Variants in SYNE3 observed in about 807,000 individuals in gnomAD.
SYNE3 encodes spectrin repeat containing nuclear envelope family member 3.
In SYNE3, 100 loss-of-function variants were observed where a neutral mutation model predicts 111.2. The ratio of observed to expected loss-of-function variants is 0.90; its 90% CI spans 0.77 to 1.06. The LOEUF (loss-of-function observed/expected upper bound fraction) is 1.06. Ranked by LOEUF, SYNE3 falls within the 50% of genes least tolerant of loss-of-function variation. SYNE3 has a pLI of 0.00. For synonymous variants in SYNE3, 547 were observed against 533.9 expected (o/e 1.02, Z -0.34); for missense variants, 1,160 against 1,240.3 (o/e 0.94, Z 0.97).
At chr14:95,515,696 CAGGGAT>C (rs1890893830) in intron 1 of SYNE3, among the ~76,000 whole-genome samples, 1 of 152,238 alleles carries the variant, frequency 6.6e-6, no homozygotes, top group Non-Finnish European at 1.5e-5. Flanking sequence ...CCACCCAGTG[CAGGGAT>C]AAGGGTGACC....
chr14:95,493,746 T>G (rs1177689167), intron 1 of SYNE3, among the ~76,000 whole-genome samples: 4 of 152,228 alleles, frequency 2.6e-5, no homozygotes, highest in African/African-American at 9.6e-5. Flanking sequence ...AGCTGAGTGA[T>G]GCCCTCAGGG....
intron 1 of SYNE3, among the ~76,000 whole-genome samples, chr14:95,508,036 G>A (rs1890591447): frequency 6.6e-6 from 1 of 152,214 alleles, no homozygotes; most frequent in South Asian, 2.1e-4. Flanking sequence ...CTGGTTAGGA[G>A]GCTGAGTGAC....
At chr14:95,431,455 C>G (rs1391668572) in intron 17 of SYNE3, among the ~76,000 whole-genome samples, 1 of 152,218 alleles carries the variant, frequency 6.6e-6, no homozygotes, top group Non-Finnish European at 1.5e-5. Context: ...TCCTGGCACA[C>G]ACAGTGGATG....
chr14:95,457,419 G>GGTGT lies in SYNE3; in HGVS notation c.628-85_628-82dup, dbSNP rs36203973. ...GGCCAGAAAGCCCGTAGCCTGCCTGGGTGTGTGTGTGTGTGTGTGTGTGTG... is the reference window on the plus strand; with the variant it reads ...GGCCAGAAAGCCCGTAGCCTGCCTGGGTGTGTGTGTGTGTGTGTGTGTGTGTGTG... On this transcript the variant is annotated intron_variant, in intron 4 of 17. Coordinates refer to ENST00000682763, the MANE Select transcript of SYNE3 (RefSeq NM_152592.6). 6.3e-4 allele frequency: 882 copies of GGTGT among 1,400,502 alleles called. 1 individual carries two copies. Among genetic ancestry groups the GGTGT allele is most frequent in the Non-Finnish European group, 6.4e-4 (656 of 1,030,408 alleles). The allele number at this position is 1,400,502 out of a possible 1,614,324, so 86.8% of individuals were successfully genotyped here.
intron 17 of SYNE3, among the ~76,000 whole-genome samples, chr14:95,429,108 G>A (rs1013309953): frequency 1.3e-4 from 20 of 152,204 alleles, no homozygotes; most frequent in African/African-American, 3.1e-4. Context: ...ACTCCAACCC[G>A]TGAAGAATCA....
At position 95,416,099 on chromosome 14, in the gene SYNE3, C is replaced by T. The variant is rs989208908; in HGVS notation, c.*1727G>A. 2.7e-5 allele frequency: 4 copies of T among 146,282 alleles called. No homozygotes were observed. Among genetic ancestry groups the T allele is most frequent in the African/African-American group, 5.5e-5 (2 of 36,552 alleles). The allele number at this position is 146,282 out of a possible 1,614,324, so 9.1% of individuals were successfully genotyped here. ...TGCTTAAAGTTGTAACAAATACAGACGAGTTAAAAGAAAAAAAAAAGTACG... is the reference window on the plus strand; with the variant it reads ...TGCTTAAAGTTGTAACAAATACAGATGAGTTAAAAGAAAAAAAAAAGTACG... On this transcript the variant is annotated 3_prime_UTR_variant, in exon 18 of 18. Coordinates refer to ENST00000682763, the MANE Select transcript of SYNE3 (RefSeq NM_152592.6).
chr14:95,452,903 G>A (rs767774417), intron 6 of SYNE3, among the ~76,000 whole-genome samples: 22 of 152,166 alleles, frequency 1.4e-4, no homozygotes, highest in Non-Finnish European at 5.9e-5. Context: ...ATTATTCTCG[G>A]CAGGCCTAGA....
At chr14:95,483,583 T>G (rs1416741167) in intron 1 of SYNE3, among the ~76,000 whole-genome samples, 1 of 152,112 alleles carries the variant, frequency 6.6e-6, no homozygotes, top group Non-Finnish European at 1.5e-5. Flanking sequence ...TTGGCAATCT[T>G]CTCCTCTGTG....
At chr14:95,476,476 C>T (rs1206830837) in intron 1 of SYNE3, among the ~76,000 whole-genome samples, 1 of 152,256 alleles carries the variant, frequency 6.6e-6, no homozygotes, top group Non-Finnish European at 1.5e-5. Context: ...CGAGATGCAA[C>T]CCGCTTGCTA....
At chr14:95,422,053 CT>C (rs1210997016) in intron 17 of SYNE3, among the ~76,000 whole-genome samples, 2 of 152,306 alleles carry the variant, frequency 1.3e-5, no homozygotes, top group Admixed American at 1.3e-4. Flanking sequence ...TAGTCTTATG[CT>C]TTACCGTATC....
rs564869430 is a variant in SYNE3 at position 95,498,892 on chromosome 14, T to C, written c.-15+17704A>G. On this transcript the variant is annotated intron_variant, in intron 1 of 17. Coordinates refer to ENST00000682763, the MANE Select transcript of SYNE3 (RefSeq NM_152592.6). ...ACAAGGCGGACTAGAAAGCCTGGCA[T>C]GCTTTACTTTCCAGCTAAAAAAAAT... Among the ~76,000 whole-genome samples the C allele has an allele frequency of 5.3e-5, 8 of 152,240 alleles. No homozygotes were observed. In the East Asian group the frequency reaches 1.2e-3, roughly 22 times the overall value.
chr14:95,457,472 C>A, intron 4 of SYNE3, 134 bp from the exon 5 acceptor site: 1 of 907,248 alleles, frequency 1.1e-6, no homozygotes, highest in Non-Finnish European at 1.7e-6. Context: ...CAACCTCTAG[C>A]CCTTTCTCTA....
intron 1 of SYNE3, among the ~76,000 whole-genome samples, chr14:95,488,190 G>T (rs1889645217): frequency 6.6e-6 from 1 of 152,154 alleles, no homozygotes; most frequent in South Asian, 2.1e-4. Context: ...GGATTCAAAA[G>T]TTAGACTTAA....
chr14:95,498,761 C>T (rs1219972534), intron 1 of SYNE3, among the ~76,000 whole-genome samples: 3 of 152,152 alleles, frequency 2.0e-5, no homozygotes, highest in African/African-American at 7.2e-5. Context: ...ATGCAAAGAG[C>T]CTGGCACTGA....
intron 1 of SYNE3, among the ~76,000 whole-genome samples, chr14:95,512,365 T>C (rs904588998): frequency 2.0e-5 from 3 of 152,196 alleles, no homozygotes; most frequent in Non-Finnish European, 4.4e-5. Context: ...GCCTCCTATT[T>C]GTAAATAATG....
At chr14:95,496,914 C>A (rs1316068908) in intron 1 of SYNE3, among the ~76,000 whole-genome samples, 1 of 152,250 alleles carries the variant, frequency 6.6e-6, no homozygotes, top group Non-Finnish European at 1.5e-5. Flanking sequence ...CTCTTACACC[C>A]AAATGGTATT....
intron 1 of SYNE3, among the ~76,000 whole-genome samples, chr14:95,496,763 T>C (rs1890108494): frequency 6.6e-6 from 1 of 152,240 alleles, no homozygotes; most frequent in African/African-American, 2.4e-5. Flanking sequence ...TCCTTTTTCT[T>C]GGACAGTTAT....
intron 17 of SYNE3, among the ~76,000 whole-genome samples, chr14:95,426,978 A>C (rs938970333): frequency 2.6e-4 from 40 of 151,354 alleles, no homozygotes; most frequent in Non-Finnish European, 4.3e-4. Context: ...GTTATACTAG[A>C]TATAGATCTT....
At chr14:95,481,307 G>A (rs1322936919) in intron 1 of SYNE3, among the ~76,000 whole-genome samples, 1 of 152,166 alleles carries the variant, frequency 6.6e-6, no homozygotes, top group African/African-American at 2.4e-5. Flanking sequence ...CCCCTGGGAG[G>A]AAAGCAAGCC....
Sources: gnomAD v4.1 joint callset for allele counts (sites outside exome capture counted in the v4.1 genomes callset) on GRCh38, gnomAD v4.1.1 for gene constraint, MANE v1.5 for transcripts, NCBI Gene and HGNC (gene_info 2026-07-23, HGNC 2026-07-21) for gene names.